FRMD3: variants seen among roughly 807,000 people sequenced by gnomAD.
FRMD3 encodes the protein FERM domain containing 3, also known as FERM domain-containing protein 3.
A neutral mutation model predicts 70.2 loss-of-function variants in FRMD3; 33 were observed. The observed-to-expected ratio is 0.47, with a 90% CI of 0.36 to 0.63. FRMD3 has a LOEUF of 0.63. Among genes scored for constraint, FRMD3 ranks in the 20% least tolerant of loss-of-function variants. The pLI is 0.00. For synonymous variants in FRMD3, 279 were observed against 255.9 expected (o/e 1.09, Z -0.86); for missense variants, 632 against 711.4 (o/e 0.89, Z 1.27).
chr9:83,302,750 C>T (rs1587700528), intron 10 of FRMD3, among the ~76,000 whole-genome samples: 2 of 152,060 alleles, frequency 1.3e-5, no homozygotes, highest in African/African-American at 4.8e-5. Context: ...TAACTCCAGC[C>T]AAAATGTTCT....
At chr9:83,293,577 G>C (rs1834533646) in intron 12 of FRMD3, among the ~76,000 whole-genome samples, 1 of 152,172 alleles carries the variant, frequency 6.6e-6, no homozygotes, top group South Asian at 2.1e-4. Context: ...CAAGCATCCT[G>C]CTGCCCCCAA....
At chr9:83,386,795 G>A (rs1372225304) in intron 2 of FRMD3, among the ~76,000 whole-genome samples, 1 of 152,162 alleles carries the variant, frequency 6.6e-6, no homozygotes. Flanking sequence ...CTCTGACTGT[G>A]AATCCAGTCT....
intron 1 of FRMD3, among the ~76,000 whole-genome samples, chr9:83,462,295 A>G (rs1198071223): frequency 6.6e-6 from 1 of 152,196 alleles, no homozygotes; most frequent in Non-Finnish European, 1.5e-5. Flanking sequence ...TGATGCATAT[A>G]CATGCCCTGT....
chr9:83,297,764 C>T (rs1210336548), intron 12 of FRMD3: 1 of 471,844 alleles, frequency 2.1e-6, no homozygotes, highest in East Asian at 6.9e-5. Context: ...TTTCACATTA[C>T]AGCTCCTCAC....
At chr9:83,373,426 T>C (rs1564043490) in intron 2 of FRMD3, among the ~76,000 whole-genome samples, 1 of 152,216 alleles carries the variant, frequency 6.6e-6, no homozygotes, top group Non-Finnish European at 1.5e-5. Context: ...GCATTAGCCC[T>C]ATCATATGCA....
intron 1 of FRMD3, among the ~76,000 whole-genome samples, chr9:83,402,898 CTTTTTTTTTTTTT>C (rs559570925): frequency 0.027 from 2,358 of 87,370 alleles, 90 homozygotes; most frequent in African/African-American, 0.098. Context: ...TTCTTTCTTT[CTTTTTTTTTTTTT>C]TTTTTTTTTT....
chr9:83,423,926 A>C (rs1473414765), intron 1 of FRMD3, among the ~76,000 whole-genome samples: 1 of 152,160 alleles, frequency 6.6e-6, no homozygotes, highest in African/African-American at 2.4e-5. Flanking sequence ...TCCCAGCCAC[A>C]TATGGCTAGT....
the FRMD3 span, among the ~76,000 whole-genome samples, chr9:83,577,698 C>T: frequency 6.6e-6 from 1 of 151,934 alleles, no homozygotes; most frequent in Admixed American, 6.6e-5. Context: ...GGGAAAAGAA[C>T]TGGACTTTAT....
intron 4 of FRMD3, among the ~76,000 whole-genome samples, chr9:83,344,655 AT>A (rs1452088698): frequency 1.3e-5 from 2 of 152,238 alleles, no homozygotes; most frequent in East Asian, 3.9e-4. Context: ...AATCTACACC[AT>A]TGACTCTCTG....
intron 2 of FRMD3, among the ~76,000 whole-genome samples, chr9:83,384,232 C>T (rs1825444824): frequency 6.6e-6 from 1 of 152,160 alleles, no homozygotes; most frequent in Non-Finnish European, 1.5e-5. Context: ...TGATCAGTGA[C>T]TTGAGGCAGC....
chr9:83,246,835 C>T lies in FRMD3; in HGVS notation c.*1083G>A. ...GTTAACTCAGACAGCGACTGCACTG[C>T]TCTTCACATCATCGAACGCTGGCAT... On this transcript the variant is annotated 3_prime_UTR_variant, in exon 14 of 14. Transcript: ENST00000304195. The T allele has an allele frequency of 3.0e-6, 3 of 985,404 alleles. No individual in the cohort carries two copies. The highest frequency in any genetic ancestry group is 1.1e-4 in the East Asian group (1 of 8,810). 61.0% of individuals were successfully genotyped at this position (985,404 alleles called of 1,614,324 possible).
At chr9:83,312,010 T>C (rs745869889) in intron 7 of FRMD3, 35 bp from the exon 8 acceptor site, 1 of 1,460,336 alleles carries the variant, frequency 6.8e-7, no homozygotes, top group Non-Finnish European at 9.3e-7. Context: ...GAAAAATCTG[T>C]TTAGATTGAG....
intron 1 of FRMD3, among the ~76,000 whole-genome samples, chr9:83,483,184 C>A (rs959985466): frequency 6.6e-6 from 1 of 152,188 alleles, no homozygotes; most frequent in African/African-American, 2.4e-5. Flanking sequence ...TGAGTTCTCA[C>A]AAGATCTGGT....
rs528415008 is a variant in FRMD3 at position 83,495,475 on chromosome 9, G to T, written c.147+42610C>A. Among the ~76,000 whole-genome samples, 7 of 152,352 alleles carry T rather than the reference G, an allele frequency of 4.6e-5. No individual in the cohort carries two copies. In the East Asian group the frequency reaches 1.3e-3, roughly 29 times the overall value. On this transcript the variant is annotated intron_variant, in intron 1 of 13. Transcript: ENST00000304195. ...ATAATTGGAGGTAACTGAGGGGAAA[G>T]TAAGGTCAAGGGAGGGTGTTAGAAT...
In FRMD3 at chr9:83,418,705, A is replaced by G. The variant is rs891943609; in HGVS notation, c.148-28997T>C. Among the ~76,000 whole-genome samples the G allele has an allele frequency of 2.0e-5, 3 of 152,250 alleles. No individual in the cohort carries two copies. The East Asian group carries it at 5.8e-4, about 29-fold the overall frequency. ...GGGAATGTAAACTAGTACAACCACT[A>G]TGGAAAACAGTGTGACAATTCCCTA... On this transcript the variant is annotated intron_variant, in intron 1 of 13. Transcript: ENST00000304195.
At chr9:83,518,499 C>G (rs1829500939) in intron 1 of FRMD3, among the ~76,000 whole-genome samples, 1 of 152,108 alleles carries the variant, frequency 6.6e-6, no homozygotes, top group African/African-American at 2.4e-5. Flanking sequence ...AGGACACAAA[C>G]AAATGGAAAA....
rs1834811216 is a variant in FRMD3, at chr9:83,299,333, T to G, written c.927-147A>C. On this transcript the variant is annotated intron_variant, in intron 10 of 13. Transcript: ENST00000304195. ...CAGCCTGCATTGTGCACACAAAATA[T>G]AAGAAAAGCTTCACAAAAGAATAGT... is the stretch of plus-strand genomic sequence containing the variant. 5.2e-6 allele frequency: 3 copies of G among 573,634 alleles called. No homozygotes were observed. The South Asian group carries it at 7.3e-5, about 14-fold the overall frequency. The allele number at this position is 573,634 out of a possible 1,614,324, so 35.5% of individuals were successfully genotyped here.
chr9:83,253,891 T>A (rs1337415649), intron 13 of FRMD3, among the ~76,000 whole-genome samples: 2 of 152,056 alleles, frequency 1.3e-5, no homozygotes, highest in African/African-American at 4.8e-5. Context: ...ATAGACTGGA[T>A]TAAGAAAATG....
At chr9:83,370,540 A>G (rs1587783433) in intron 3 of FRMD3, among the ~76,000 whole-genome samples, 1 of 152,206 alleles carries the variant, frequency 6.6e-6, no homozygotes, top group Non-Finnish European at 1.5e-5. Flanking sequence ...TCTATTTTCC[A>G]GATTCAGATT....
Sources: gnomAD v4.1 joint callset for allele counts (sites outside exome capture counted in the v4.1 genomes callset) on GRCh38, gnomAD v4.1.1 for gene constraint, MANE v1.5 for transcripts, NCBI Gene and HGNC (gene_info 2026-07-23, HGNC 2026-07-21) for gene names.